Variants in PLD1 observed in about 807,000 individuals in gnomAD.
The protein encoded by PLD1 is phospholipase D1, also known as choline phosphatase 1.
A neutral mutation model predicts 137.1 loss-of-function variants in PLD1; 112 were observed. The observed-to-expected ratio is 0.82, with a 90% CI of 0.70 to 0.96. The LOEUF is 0.96. PLD1 is among the 40% of genes least tolerant of loss of function. PLD1 has a pLI of 0.00. For missense variants in PLD1, 1,321 were observed against 1,342.0 expected (o/e 0.98, Z 0.24); for synonymous variants, 431 against 454.7 (o/e 0.95, Z 0.66).
intron 8 of PLD1, among the ~76,000 whole-genome samples, chr3:171,722,359 A>G (rs1354786967): frequency 6.6e-6 from 1 of 152,208 alleles, no homozygotes; most frequent in Non-Finnish European, 1.5e-5. Flanking sequence ...GTTAAAGTGT[A>G]CAGTTCAGTT....
chr3:171,733,172 T>C (rs1719078651), intron 6 of PLD1, among the ~76,000 whole-genome samples: 1 of 152,268 alleles, frequency 6.6e-6, no homozygotes. Flanking sequence ...GGTTGATTTC[T>C]AGATAATCTA....
At chr3:171,792,692 C>T (rs1225666588) in intron 1 of PLD1, 1 of 456,674 alleles carries the variant, frequency 2.2e-6, no homozygotes. Context: ...AATTTAGGCT[C>T]CTGGTGACAA....
intron 1 of PLD1, chr3:171,793,088 T>G: frequency 5.4e-6 from 1 of 184,526 alleles, no homozygotes; most frequent in Non-Finnish European, 1.1e-5. Context: ...TGAACCCTCA[T>G]GCTGGCAGGG....
At chr3:171,727,554 A>G (rs1198382929) in intron 6 of PLD1, among the ~76,000 whole-genome samples, 1 of 152,190 alleles carries the variant, frequency 6.6e-6, no homozygotes, top group Non-Finnish European at 1.5e-5. Flanking sequence ...ATAGACCAAC[A>G]AAGACTAAAA....
chr3:171,684,490 G>T (rs760822784), intron 16 of PLD1, among the ~76,000 whole-genome samples: 36 of 152,164 alleles, frequency 2.4e-4, no homozygotes, highest in Middle Eastern at 3.4e-3. Context: ...GAATTACTGG[G>T]AGTTGTCCCT....
At chr3:171,724,429 T>C (rs372871344) in intron 8 of PLD1, among the ~76,000 whole-genome samples, 1 of 152,274 alleles carries the variant, frequency 6.6e-6, no homozygotes, top group African/African-American at 2.4e-5. Flanking sequence ...CGTATACTTA[T>C]TGGCCATTTG....
At chr3:171,642,944 A>G in intron 22 of PLD1, 55 bp from the exon 23 acceptor site, 1 of 950,376 alleles carries the variant, frequency 1.1e-6, no homozygotes. Flanking sequence ...AACCAATCCC[A>G]TGCAGTATCT....
chr3:171,786,884 T>C (rs540157157), intron 1 of PLD1, among the ~76,000 whole-genome samples: 1 of 152,324 alleles, frequency 6.6e-6, no homozygotes, highest in South Asian at 2.1e-4. Context: ...AAATAGATCT[T>C]TCAATACGTG....
chr3:171,769,455 A>G (rs1722194822), intron 1 of PLD1, among the ~76,000 whole-genome samples: 1 of 152,264 alleles, frequency 6.6e-6, no homozygotes, highest in Non-Finnish European at 1.5e-5. Context: ...ATAATTGCAC[A>G]ATAGCATATA....
intron 1 of PLD1, among the ~76,000 whole-genome samples, chr3:171,771,540 A>T (rs888678122): frequency 2.0e-5 from 3 of 152,262 alleles, no homozygotes. Flanking sequence ...TTGCTGCCCA[A>T]GAAAACCATA....
intron 21 of PLD1, among the ~76,000 whole-genome samples, chr3:171,650,470 A>G (rs1312504611): frequency 1.3e-5 from 2 of 152,168 alleles, no homozygotes; most frequent in Non-Finnish European, 2.9e-5. Context: ...GGAGATCAAC[A>G]TCAGTGTCTG....
intron 16 of PLD1, among the ~76,000 whole-genome samples, chr3:171,682,960 C>A (rs1714162090): frequency 6.6e-6 from 1 of 152,114 alleles, no homozygotes; most frequent in Non-Finnish European, 1.5e-5. Context: ...GAAAACAGTA[C>A]CAACAATGTG....
In PLD1 at chr3:171,737,973, T is replaced by G; in HGVS notation, c.79A>C (p.Asn27His). 1 of 1,614,088 alleles carries G rather than the reference T, an allele frequency of 6.2e-7. No individual in the cohort carries two copies. Among genetic ancestry groups the G allele is most frequent in the East Asian group, 2.2e-5 (1 of 44,890 alleles). The change falls in exon 2 of 27, where the codon AAT becomes CAT. Residue 27 changes from asparagine to histidine, a missense_variant. Transcript: ENST00000351298. The stretch of plus-strand genomic sequence containing the variant: ...AAGTGGAGTTCCCGCGTGTCCAGAT[T>G]TTCTATGATATTACTCATGTCAGCA... Reference protein sequence around the residue: ...IAADMSNIIENLDTRELHFEG... With the variant: ...IAADMSNIIEHLDTRELHFEG...
chr3:171,765,287 C>G (rs776112978), intron 1 of PLD1: 6 of 152,304 alleles, frequency 3.9e-5, no homozygotes, highest in Non-Finnish European at 7.4e-5. Flanking sequence ...CTCCATGAGG[C>G]TGCCGTCTTC....
intron 21 of PLD1, among the ~76,000 whole-genome samples, chr3:171,652,640 T>G (rs1464415957): frequency 6.6e-6 from 1 of 151,898 alleles, no homozygotes; most frequent in East Asian, 1.9e-4. Context: ...CTTGCTCTGT[T>G]ACCCAGGCTG....
chr3:171,648,998 C>G (rs1051333695), intron 21 of PLD1, among the ~76,000 whole-genome samples: 2 of 152,078 alleles, frequency 1.3e-5, no homozygotes, highest in Non-Finnish European at 1.5e-5. Flanking sequence ...GATATTTACG[C>G]TGACTAACAA....
intron 22 of PLD1, among the ~76,000 whole-genome samples, chr3:171,643,504 G>A (rs1252684569): frequency 6.7e-6 from 1 of 148,680 alleles, no homozygotes; most frequent in African/African-American, 2.6e-5. Flanking sequence ...ACTTATGCCT[G>A]AGAAATGCTA....
chr3:171,641,220 C>T (rs1171093721), intron 23 of PLD1, among the ~76,000 whole-genome samples: 1 of 152,166 alleles, frequency 6.6e-6, no homozygotes, highest in East Asian at 1.9e-4. Context: ...TAAAATGCCA[C>T]AAAGCTTGCT....
chr3:171,798,672 CA>C (rs1356269313), intron 1 of PLD1, among the ~76,000 whole-genome samples: 6 of 152,188 alleles, frequency 3.9e-5, no homozygotes, highest in Non-Finnish European at 8.8e-5. Context: ...TGCTTAATTA[CA>C]ACAATGTCTT....
Sources: allele counts gnomAD v4.1 joint callset (sites outside exome capture counted in the v4.1 genomes callset), GRCh38; gene constraint gnomAD v4.1.1; transcripts MANE v1.5; gene names NCBI Gene and HGNC (gene_info 2026-07-23, HGNC 2026-07-21).